Variants in PCNX2 observed in about 807,000 individuals in gnomAD.
PCNX2 encodes the protein pecanex-like protein 2.
A neutral mutation model predicts 223.8 loss-of-function variants in PCNX2; 168 were observed. That is an observed-to-expected ratio of 0.75 (90% CI 0.66 to 0.85). The LOEUF is 0.85. Among genes scored for constraint, PCNX2 ranks in the 40% least tolerant of loss-of-function variants. PCNX2 has a pLI of 0.00. For synonymous variants in PCNX2, 1,006 were observed against 1,052.6 expected, an observed-to-expected ratio of 0.96 and a Z score of 0.86; for missense variants, 2,507 against 2,675.5, an observed-to-expected ratio of 0.94 and a Z score of 1.39.
intron 25 of PCNX2, among the ~76,000 whole-genome samples, chr1:233,042,315 T>C (rs775069884): frequency 5.3e-5 from 8 of 152,196 alleles, no homozygotes; most frequent in Non-Finnish European, 1.0e-4. Context: ...TTCCCTCACT[T>C]GCCACTGTAG....
chr1:233,056,013 T>C (rs1037770919), intron 24 of PCNX2, among the ~76,000 whole-genome samples: 41 of 152,198 alleles, frequency 2.7e-4, no homozygotes, highest in African/African-American at 9.2e-4. Context: ...AGTTGAAAGC[T>C]GAATCAAAAC....
At chr1:233,070,286 A>C (rs1672797511) in intron 23 of PCNX2, among the ~76,000 whole-genome samples, 1 of 152,086 alleles carries the variant, frequency 6.6e-6, no homozygotes. Flanking sequence ...ACCACGTTTA[A>C]AAAATAACAA....
rs34945774 is a variant in PCNX2, at chr1:233,070,674, T to A, written c.4077-13384A>T. ...ACAAGACCCAATACTATTCATGATT[T>A]AAAAAAAAAAACTCTCAGAAAAATA... On this transcript the variant is annotated intron_variant, in intron 23 of 33. Coordinates refer to ENST00000258229, the MANE Select transcript of PCNX2 (RefSeq NM_014801.4). Among the ~76,000 whole-genome samples the A allele has an allele frequency of 6.7e-3, 988 of 146,622 alleles. 18 individuals are homozygous for A. The highest frequency in any genetic ancestry group is 7.6e-3 in the Non-Finnish European group (506 of 66,228).
At chr1:233,125,265 G>A (rs747837118) in intron 21 of PCNX2, among the ~76,000 whole-genome samples, 5 of 152,036 alleles carry the variant, frequency 3.3e-5, no homozygotes, top group South Asian at 2.1e-4. Flanking sequence ...CTATTATACC[G>A]TACTTAATTT....
intron 26 of PCNX2, chr1:233,019,059 C>G (rs1201184781): frequency 1.0e-6 from 1 of 985,188 alleles, no homozygotes; most frequent in Non-Finnish European, 1.2e-6. Context: ...CTCAAGGCCT[C>G]AAGTTTACTT....
At chr1:233,054,610 G>A in intron 24 of PCNX2, 127 bp from the exon 25 acceptor site, 1 of 748,940 alleles carries the variant, frequency 1.3e-6, no homozygotes, top group Non-Finnish European at 2.1e-6. Context: ...AAAGAGGAAA[G>A]ATGTGTTCTT....
rs1194780981 is a variant in PCNX2, at chr1:233,000,522, C to T, written c.5111G>A (p.Cys1704Tyr). 1.3e-6 allele frequency: 2 copies of T among 1,596,070 alleles called. No homozygotes were observed. Among genetic ancestry groups the T allele is most frequent in the Non-Finnish European group, 1.7e-6 (2 of 1,174,554 alleles). Reference sequence around the variant, plus strand: ...TGCTGGGTCTTCATACTCGTCAGGGCAAGTGAACTGGTCCTGGTGGGAAGA... The same window carrying T: ...TGCTGGGTCTTCATACTCGTCAGGGTAAGTGAACTGGTCCTGGTGGGAAGA... Reference protein sequence around the residue: ...SLKLHQDQFTCPDEYEDPAVL... With the variant: ...SLKLHQDQFTYPDEYEDPAVL... Residue 1704 changes from cysteine to tyrosine, a missense_variant, in exon 30 of 34, where the codon TGC (cysteine) becomes TAC (tyrosine). Physicochemically the swap from Cys to Tyr is radical, Grantham distance 194. Around this residue, in one of 3 missense-constraint regions of PCNX2, gnomAD observed 1,372 missense variants for 1,509.4 expected, o/e 0.91. Coordinates refer to ENST00000258229, the MANE Select transcript of PCNX2 (RefSeq NM_014801.4). The surrounding 1 kb of genome is among the most constrained non-coding windows in gnomAD (Gnocchi z 4.6).
chr1:233,221,191 A>T (rs1657356302), intron 10 of PCNX2, among the ~76,000 whole-genome samples: 3 of 150,750 alleles, frequency 2.0e-5, no homozygotes, highest in South Asian at 4.2e-4. Flanking sequence ...CTCAAGTTGA[A>T]TTTTTTTTTT....
At chr1:233,089,966 C>A (rs1224168734) in intron 23 of PCNX2, 95 bp downstream of exon 23, 4 of 1,566,640 alleles carry the variant, frequency 2.6e-6, no homozygotes, top group Non-Finnish European at 3.4e-6. Flanking sequence ...CAGGGGGAAG[C>A]CTGGAGCCAG....
the PCNX2 span, among the ~76,000 whole-genome samples, chr1:233,311,642 T>G: frequency 2.0e-5 from 3 of 152,134 alleles, no homozygotes; most frequent in African/African-American, 7.2e-5. Context: ...GTCACCAAAA[T>G]TTGGGGGATC....
At chr1:233,069,401 A>T (rs1315715863) in intron 23 of PCNX2, among the ~76,000 whole-genome samples, 1 of 152,192 alleles carries the variant, frequency 6.6e-6, no homozygotes, top group Non-Finnish European at 1.5e-5. Context: ...ACAATGGTAG[A>T]CTACACATTC....
In PCNX2 at chr1:233,095,876, G is replaced by GA. The variant is rs1180510171; in HGVS notation, c.3838-14dup. 6 of 1,562,174 alleles carry GA rather than the reference G, an allele frequency of 3.8e-6. No homozygotes were observed. Among genetic ancestry groups the GA allele is most frequent in the African/African-American group, 1.4e-5 (1 of 72,890 alleles). On this transcript the variant is annotated splice_polypyrimidine_tract_variant and intron_variant, in intron 21 of 33. Coordinates refer to ENST00000258229, the MANE Select transcript of PCNX2 (RefSeq NM_014801.4). ...GCAGGTCCCCGAGCTGAAAGTAAAA[G>GA]AAAAAAAATTCATCAGAGAGGACAA...
intron 10 of PCNX2, among the ~76,000 whole-genome samples, chr1:233,222,541 T>G (rs1198961388): frequency 6.6e-6 from 1 of 151,436 alleles, no homozygotes; most frequent in African/African-American, 2.4e-5. Flanking sequence ...ATGTGAGAAG[T>G]TAAAAAAAAA....
At chr1:232,987,570 G>A (rs1669538335) in intron 32 of PCNX2, among the ~76,000 whole-genome samples, 1 of 152,234 alleles carries the variant, frequency 6.6e-6, no homozygotes, top group African/African-American at 2.4e-5. Flanking sequence ...GGAGGCATGA[G>A]TATCAGAAAG....
intron 21 of PCNX2, 82 bp downstream of exon 21, chr1:233,134,931 A>G (rs768556263): frequency 3.3e-6 from 4 of 1,208,822 alleles, no homozygotes; most frequent in Non-Finnish European, 3.6e-6. Flanking sequence ...TTTATAAAGA[A>G]TAAGTTTTAA....
chr1:233,293,926 GC>G, intron 1 of PCNX2: 1 of 976,138 alleles, frequency 1.0e-6, no homozygotes, highest in African/African-American at 1.8e-5. Context: ...AACCACTGGG[GC>G]CCATAGGCTA....
chr1:233,019,168 C>T (rs1670788691), intron 26 of PCNX2: 1 of 985,422 alleles, frequency 1.0e-6, no homozygotes, highest in Non-Finnish European at 1.2e-6. Context: ...CTTAGGCTCT[C>T]TGCTGTGAGG....
chr1:233,162,517 A>G (rs899932320), intron 17 of PCNX2, among the ~76,000 whole-genome samples: 13 of 152,194 alleles, frequency 8.5e-5, no homozygotes, highest in African/African-American at 3.1e-4. Context: ...GGGACCCTAG[A>G]TTTATTCATA....
intron 6 of PCNX2, 48 bp from the exon 7 acceptor site, chr1:233,252,547 T>C: frequency 2.5e-6 from 4 of 1,588,552 alleles, no homozygotes; most frequent in Non-Finnish European, 3.4e-6. Flanking sequence ...AGTTCCTCCT[T>C]ATCCTTGATA....
Sources: gnomAD v4.1 joint callset for allele counts (sites outside exome capture counted in the v4.1 genomes callset) on GRCh38, gnomAD v4.1.1 for gene constraint, gnomAD v4.1.1 regional missense constraint, Gnocchi (gnomAD v3.1) non-coding constraint, MANE v1.5 for transcripts, NCBI Gene and HGNC (gene_info 2026-07-23, HGNC 2026-07-21) for gene names.